Variants in DCAF5 observed in about 807,000 individuals in gnomAD.
DCAF5 encodes the protein DDB1 and CUL4 associated factor 5, also known as DDB1- and CUL4-associated factor 5.
DCAF5 carries 9 observed loss-of-function variants against 80.7 expected under a neutral mutation model. That is an observed-to-expected ratio of 0.11 (90% CI 0.07 to 0.19). The LOEUF is 0.19. Among genes scored for constraint, DCAF5 ranks in the 10% least tolerant of loss-of-function variants. DCAF5 has a pLI of 1.00. For missense variants in DCAF5, 842 were observed against 1,205.7 expected (o/e 0.70, Z 4.47); for synonymous variants, 433 against 461.9 (o/e 0.94, Z 0.80).
chr14:69,075,291 CA>C, intron 7 of DCAF5, 53 bp downstream of exon 7: 1 of 1,496,952 alleles, frequency 6.7e-7, no homozygotes, highest in Non-Finnish European at 9.2e-7. Flanking sequence ...CACAGCATGC[CA>C]AAGGTCAACA....
intron 6 of DCAF5, among the ~76,000 whole-genome samples, chr14:69,078,757 G>A (rs1177436824): frequency 2.0e-5 from 3 of 152,234 alleles, no homozygotes; most frequent in Non-Finnish European, 2.9e-5. Flanking sequence ...CAGGGGAAAT[G>A]GGGAGTTGAT....
intron 1 of DCAF5, among the ~76,000 whole-genome samples, chr14:69,144,431 G>T (rs1429225231): frequency 6.6e-6 from 1 of 151,996 alleles, no homozygotes; most frequent in African/African-American, 2.4e-5. Flanking sequence ...AATTAGCTGG[G>T]CGTGGTGGCG....
chr14:69,069,534 A>G (rs1231126881), intron 7 of DCAF5, among the ~76,000 whole-genome samples: 2 of 152,216 alleles, frequency 1.3e-5, no homozygotes, highest in East Asian at 1.9e-4. Flanking sequence ...TCCTGGGCTC[A>G]AGCAATAGTC....
chr14:69,128,869 G>T (rs933052820), intron 1 of DCAF5, among the ~76,000 whole-genome samples: 2 of 151,968 alleles, frequency 1.3e-5, no homozygotes, highest in Non-Finnish European at 2.9e-5. Context: ...CGTAATCCCA[G>T]TACTTTGAAA....
Position 69,116,355 on chromosome 14 carries a change from A to C in DCAF5, c.665+11T>G. On this transcript the variant is annotated intron_variant, in intron 5 of 8. Coordinates refer to ENST00000341516, the MANE Select transcript of DCAF5 (RefSeq NM_003861.3). ...GGAAAGTTTTAACACCTATGAATAAAGGGGGCTCACCTCTGAGGTTTTCGA... is the reference window on the plus strand; with the variant it reads ...GGAAAGTTTTAACACCTATGAATAACGGGGGCTCACCTCTGAGGTTTTCGA... The C allele has an allele frequency of 1.2e-6, 2 of 1,610,452 alleles. No individual in the cohort carries two copies. The highest frequency in any genetic ancestry group is 4.5e-5 in the East Asian group (2 of 44,792).
chr14:69,077,493 C>T (rs2038945378), intron 6 of DCAF5, among the ~76,000 whole-genome samples: 1 of 152,012 alleles, frequency 6.6e-6, no homozygotes, highest in South Asian at 2.1e-4. Context: ...AAATGATTGC[C>T]CTGCCTTAGC....
At chr14:69,127,085 T>C (rs1261792070) in intron 1 of DCAF5, among the ~76,000 whole-genome samples, 3 of 152,198 alleles carry the variant, frequency 2.0e-5, no homozygotes, top group Non-Finnish European at 4.4e-5. Flanking sequence ...GGCAGTTTCA[T>C]ACAAAACTAA....
chr14:69,088,599 C>G (rs929019393), intron 6 of DCAF5, among the ~76,000 whole-genome samples: 4 of 152,148 alleles, frequency 2.6e-5, no homozygotes, highest in Admixed American at 2.0e-4. Flanking sequence ...TAATTAAAAG[C>G]CAGATGACTG....
intron 5 of DCAF5, among the ~76,000 whole-genome samples, chr14:69,114,761 T>C (rs1291967416): frequency 6.6e-6 from 1 of 152,192 alleles, no homozygotes; most frequent in Non-Finnish European, 1.5e-5. Flanking sequence ...CACTTTCAAT[T>C]CTTTTAACAA....
chr14:69,099,807 C>T (rs1376638627), intron 5 of DCAF5, among the ~76,000 whole-genome samples: 3 of 151,842 alleles, frequency 2.0e-5, no homozygotes, highest in East Asian at 3.9e-4. Context: ...ATTAGCCGAG[C>T]ATAGTGGCAC....
At chr14:69,128,926 TG>T (rs1415116216) in intron 1 of DCAF5, among the ~76,000 whole-genome samples, 2 of 151,906 alleles carry the variant, frequency 1.3e-5, no homozygotes. Context: ...GAGACCAGCC[TG>T]GGCAACATAG....
chr14:69,091,174 A>G (rs1222192899), intron 6 of DCAF5: 1 of 719,438 alleles, frequency 1.4e-6, no homozygotes, highest in South Asian at 1.4e-5. Flanking sequence ...TAAAAAGAAA[A>G]AGAGTCAGCA....
chr14:69,085,388 G>A, intron 6 of DCAF5: 2 of 579,708 alleles, frequency 3.5e-6, no homozygotes, highest in Non-Finnish European at 6.5e-6. Flanking sequence ...TTCTCTCACT[G>A]AAGACATGCC....
At chr14:69,094,241 A>G (rs2139977969) in intron 5 of DCAF5, among the ~76,000 whole-genome samples, 1 of 152,192 alleles carries the variant, frequency 6.6e-6, no homozygotes, top group South Asian at 2.1e-4. Context: ...CACCCTTTCC[A>G]TCTGTTAACA....
chr14:69,096,707 C>T (rs893257432), intron 5 of DCAF5, among the ~76,000 whole-genome samples: 1 of 152,134 alleles, frequency 6.6e-6, no homozygotes, highest in Non-Finnish European at 1.5e-5. Flanking sequence ...AGTATAATAA[C>T]AGATTTATTA....
chr14:69,056,462 GT>G (rs1436978148), intron 8 of DCAF5, among the ~76,000 whole-genome samples: 3 of 152,170 alleles, frequency 2.0e-5, no homozygotes, highest in Non-Finnish European at 2.9e-5. Context: ...TAACTTTACT[GT>G]TATGCAAAAT....
intron 6 of DCAF5, among the ~76,000 whole-genome samples, chr14:69,086,987 G>A (rs919467285): frequency 1.3e-5 from 2 of 152,218 alleles, no homozygotes; most frequent in Admixed American, 6.6e-5. Context: ...CTTTCAGCAA[G>A]ATGTAGGGAC....
At chr14:69,076,202 C>T (rs935620217) in intron 6 of DCAF5, among the ~76,000 whole-genome samples, 20 of 151,802 alleles carry the variant, frequency 1.3e-4, no homozygotes, top group South Asian at 4.2e-4. Flanking sequence ...GACTAACGAA[C>T]GGTGCAACTG....
Position 69,122,207 on chromosome 14 carries a change from C to T in DCAF5, c.358+10G>A. The T allele has an allele frequency of 6.2e-7, 1 of 1,610,662 alleles. No individual in the cohort carries two copies. Among genetic ancestry groups the T allele is most frequent in the Non-Finnish European group, 8.5e-7 (1 of 1,177,242 alleles). Reference sequence around the variant, plus strand: ...CAGTGACGTTCCCAAGGTAGAATCTCCCTTTTTACCTCCAGAGAACACTTT... The same window carrying T: ...CAGTGACGTTCCCAAGGTAGAATCTTCCTTTTTACCTCCAGAGAACACTTT... On this transcript the variant is annotated intron_variant, in intron 2 of 8. Coordinates refer to ENST00000341516, the MANE Select transcript of DCAF5 (RefSeq NM_003861.3).
Sources: gnomAD v4.1 joint callset for allele counts (sites outside exome capture counted in the v4.1 genomes callset) on GRCh38, gnomAD v4.1.1 for gene constraint, MANE v1.5 for transcripts, NCBI Gene and HGNC (gene_info 2026-07-23, HGNC 2026-07-21) for gene names.